ANK3: variants seen among roughly 807,000 people sequenced by gnomAD.
ANK3 encodes the protein ankyrin-3.
A neutral mutation model predicts 370.9 loss-of-function variants in ANK3; 57 were observed. The ratio of observed to expected loss-of-function variants is 0.15; its 90% CI spans 0.12 to 0.19. The LOEUF (loss-of-function observed/expected upper bound fraction) is 0.19, where lower values mean the gene tolerates loss of function less well. Among genes scored for constraint, ANK3 ranks in the 10% least tolerant of loss-of-function variants. ANK3 has a pLI of 1.00. For missense variants in ANK3, 4,439 were observed against 5,302.1 expected (o/e 0.84, Z 5.06); for synonymous variants, 1,929 against 1,946.3 (o/e 0.99, Z 0.23).
At position 60,073,298 on chromosome 10, in the gene ANK3, C is replaced by T; in HGVS notation, c.7583G>A (p.Gly2528Asp). ...IYKDVSENGV[G>D]KVSKDEHFDK... is the part of the protein sequence containing the mutation. ...AAAATGCTCATCTTTAGACACTTTA[C>T]CTACACCATTTTCAGAAACATCTTT... Residue 2528 changes from glycine to aspartate, a missense_variant, in exon 37 of 44, where the codon GGT becomes GAT. By Grantham distance (94) the Gly-to-Asp change is moderately conservative. This residue lies in a region of ANK3 where 1,601 missense variants were observed against 1,731.7 expected (regional missense o/e 0.92). Transcript: ENST00000280772. The T allele has an allele frequency of 6.2e-7, 1 of 1,614,054 alleles. No homozygotes were observed. The highest frequency in any genetic ancestry group is 8.5e-7 in the Non-Finnish European group (1 of 1,180,000).
At chr10:60,733,372 G>A in exon 1 of ANK3, 3 of 1,221,646 alleles carry the variant, frequency 2.5e-6, no homozygotes, top group Non-Finnish European at 3.1e-6. Flanking sequence ...TCTCCTCCCC[G>A]TCCCGCTCCT....
chr10:60,199,024 C>T (rs1386122306), intron 13 of ANK3, among the ~76,000 whole-genome samples: 1 of 152,046 alleles, frequency 6.6e-6, no homozygotes, highest in Non-Finnish European at 1.5e-5. Flanking sequence ...GCAAAGGCTC[C>T]CAGCTGAAGG....
At chr10:60,395,550 CTCTTTCTTTCTTTCTTTCTTTCTT>C (rs58204421) in intron 2 of ANK3, among the ~76,000 whole-genome samples, 1,141 of 108,438 alleles carry the variant, frequency 0.011, 19 homozygotes, top group African/African-American at 0.035. Context: ...ACTACTATGC[CTCTTTCTTTCTTTCTTTCTTTCTT>C]TCTTTCTTTC....
intron 2 of ANK3, among the ~76,000 whole-genome samples, chr10:60,554,582 A>C (rs2077165884): frequency 6.6e-6 from 1 of 152,206 alleles, no homozygotes; most frequent in Non-Finnish European, 1.5e-5. Flanking sequence ...TCTAAAGTAG[A>C]TGATGAGCCA....
At chr10:60,478,188 A>G (rs1190204040) in intron 2 of ANK3, among the ~76,000 whole-genome samples, 2 of 152,092 alleles carry the variant, frequency 1.3e-5, no homozygotes, top group African/African-American at 4.8e-5. Context: ...AACAATTAAC[A>G]TTTTTAAGAA....
intron 1 of ANK3, among the ~76,000 whole-genome samples, chr10:60,340,500 C>G (rs960973193): frequency 6.6e-6 from 1 of 152,128 alleles, no homozygotes; most frequent in African/African-American, 2.4e-5. Context: ...CAATCTCTTC[C>G]TCCCGGGTTC....
intron 31 of ANK3, 143 bp downstream of exon 31, chr10:60,085,014 T>G (rs563154311): frequency 5.1e-6 from 4 of 781,762 alleles, no homozygotes; most frequent in African/African-American, 3.5e-5. Flanking sequence ...TGTTTGTTAT[T>G]TGAGGATAAT....
rs369371842 is a variant in ANK3, at chr10:60,123,562, T to G, written c.2842-9231A>C. Among the ~76,000 whole-genome samples, 74 of 152,300 alleles carry G rather than the reference T, an allele frequency of 4.9e-4. 1 individual carries two copies. The South Asian group carries it at 0.015, about 32-fold the overall frequency. ...CTCCAATATTAGTAATTCTCTACGT[T>G]GCTGACTGTCAACCTCCAGTGTTAG... On this transcript the variant is annotated intron_variant, in intron 25 of 43. Transcript: ENST00000280772.
rs2082225610 is a variant in ANK3, at chr10:60,069,211, C to T, written c.11670G>A (p.Lys3890=). The T allele has an allele frequency of 1.9e-6, 3 of 1,614,118 alleles. No individual in the cohort carries two copies. Among genetic ancestry groups the T allele is most frequent in the South Asian group, 1.1e-5 (1 of 91,076 alleles). ...TGGTTTTCTCGGATTGACTAACCTGCTTCATTTTACTTGCTTTAGTGTTTG... is the reference window on the plus strand; with the variant it reads ...TGGTTTTCTCGGATTGACTAACCTGTTTCATTTTACTTGCTTTAGTGTTTG... ...HMSNTKASKM[K]QVSQSEKTKA... is the part of the protein sequence containing the mutation. The change falls in exon 37 of 44, where the codon AAG becomes AAA. Residue 3890 remains lysine (K), a synonymous_variant. Coordinates refer to ENST00000280772, the MANE Select transcript of ANK3 (RefSeq NM_020987.5).
At chr10:60,566,076 T>A (rs2077453594) in intron 2 of ANK3, among the ~76,000 whole-genome samples, 1 of 152,224 alleles carries the variant, frequency 6.6e-6, no homozygotes, top group African/African-American at 2.4e-5. Flanking sequence ...TTTTTCTTTA[T>A]TATTATATCT....
intron 1 of ANK3, among the ~76,000 whole-genome samples, chr10:60,702,880 T>C (rs1430183825): frequency 2.6e-5 from 4 of 152,070 alleles, no homozygotes; most frequent in East Asian, 3.9e-4. Context: ...TAAAAAGAAG[T>C]CTTACAAAAA....
intron 2 of ANK3, among the ~76,000 whole-genome samples, chr10:60,580,335 A>G (rs2077734166): frequency 6.6e-6 from 1 of 152,212 alleles, no homozygotes; most frequent in African/African-American, 2.4e-5. Flanking sequence ...GGTGATATCT[A>G]AATAAGCTTC....
intron 17 of ANK3, among the ~76,000 whole-genome samples, chr10:60,185,643 C>T (rs1256099827): frequency 6.6e-6 from 1 of 152,126 alleles, no homozygotes; most frequent in Non-Finnish European, 1.5e-5. Context: ...CACAGCTATG[C>T]CCACACCCAG....
chr10:60,639,474 A>G (rs1470838204), intron 1 of ANK3, among the ~76,000 whole-genome samples: 1 of 151,334 alleles, frequency 6.6e-6, no homozygotes, highest in Non-Finnish European at 1.5e-5. Flanking sequence ...AATATTATAT[A>G]TATTTATATT....
At chr10:60,421,287 C>T (rs1432247157) in intron 2 of ANK3, among the ~76,000 whole-genome samples, 1 of 151,828 alleles carries the variant, frequency 6.6e-6, no homozygotes, top group Non-Finnish European at 1.5e-5. Context: ...ATAATTAATG[C>T]CAGTGAATTG....
rs568381826 is a variant in ANK3 at position 60,673,420 on chromosome 10, G to A, written c.58-58196C>T. 3.3e-5 allele frequency among the ~76,000 whole-genome samples: 5 copies of A among 151,926 alleles called. No homozygotes were observed. In the South Asian group the frequency reaches 6.2e-4, roughly 19 times the overall value. The stretch of plus-strand genomic sequence containing the variant: ...GGTTGGAGTGCAATGGTGCAATCTC[G>A]GCTCACTGCAACCTCTGCCTCCCAG... On this transcript the variant is annotated intron_variant, in intron 1 of 43. Transcript: ENST00000373827.
intron 23 of ANK3, among the ~76,000 whole-genome samples, chr10:60,158,043 A>G (rs979650090): frequency 1.3e-5 from 2 of 152,142 alleles, no homozygotes; most frequent in African/African-American, 4.8e-5. Flanking sequence ...AAAACCAAAA[A>G]ACAAGCAGAT....
rs180774236 is a variant in ANK3, at chr10:60,128,441, G to T, written c.2841+5830C>A. On this transcript the variant is annotated intron_variant, in intron 25 of 43. Coordinates refer to ENST00000280772, the MANE Select transcript of ANK3 (RefSeq NM_020987.5). Reference sequence around the variant, plus strand: ...CTTGCCCAGACTGGAGTGCAGTGGCGCAATCTCAGCTCACCGCAACCTCTG... The same window carrying T: ...CTTGCCCAGACTGGAGTGCAGTGGCTCAATCTCAGCTCACCGCAACCTCTG... Among the ~76,000 whole-genome samples the T allele has an allele frequency of 1.7e-3, 259 of 151,316 alleles. 1 individual carries two copies. The highest frequency in any genetic ancestry group is 2.7e-3 in the Non-Finnish European group (181 of 67,870).
chr10:60,426,742 T>C (rs1344187468), intron 2 of ANK3, among the ~76,000 whole-genome samples: 1 of 152,276 alleles, frequency 6.6e-6, no homozygotes, highest in South Asian at 2.1e-4. Flanking sequence ...TTTATAGCTT[T>C]AGAAGCTTTT....
Sources: allele counts gnomAD v4.1 joint callset (sites outside exome capture counted in the v4.1 genomes callset), GRCh38; gene constraint gnomAD v4.1.1; regional missense constraint gnomAD v4.1.1; transcripts MANE v1.5; gene names NCBI Gene and HGNC (gene_info 2026-07-23, HGNC 2026-07-21).